Variants in WWC2 observed in about 807,000 individuals in gnomAD.
WWC2 encodes the protein WW and C2 domain containing 2, also known as protein WWC2.
A neutral mutation model predicts 138.5 loss-of-function variants in WWC2; 101 were observed. The observed-to-expected ratio is 0.73, with a 90% confidence interval of 0.62 to 0.86. The LOEUF (loss-of-function observed/expected upper bound fraction) is 0.86. Among genes scored for constraint, WWC2 ranks in the 40% least tolerant of loss-of-function variants. WWC2 has a pLI of 0.00. For missense variants in WWC2, 1,420 were observed against 1,419.4 expected, an observed-to-expected ratio of 1.00 and a Z score of -0.01; for synonymous variants, 558 against 538.4, an observed-to-expected ratio of 1.04 and a Z score of -0.50.
chr4:183,196,865 A>C (rs1261128264), intron 2 of WWC2, among the ~76,000 whole-genome samples: 1 of 152,158 alleles, frequency 6.6e-6, no homozygotes, highest in African/African-American at 2.4e-5. Flanking sequence ...TCCCCGTCCC[A>C]TTCTGGTCGA....
intron 6 of WWC2, among the ~76,000 whole-genome samples, chr4:183,248,488 A>AT (rs1736864992): frequency 6.6e-6 from 1 of 152,216 alleles, no homozygotes. Context: ...TTTGAGATAG[A>AT]TAAGACAACT....
intron 1 of WWC2, among the ~76,000 whole-genome samples, chr4:183,138,229 G>A (rs1432139424): frequency 6.6e-6 from 1 of 152,154 alleles, no homozygotes; most frequent in Non-Finnish European, 1.5e-5. Context: ...TTTCGGACAG[G>A]CTCTTTCTTT....
chr4:183,202,907 G>A (rs561646958), intron 2 of WWC2, among the ~76,000 whole-genome samples: 2 of 152,224 alleles, frequency 1.3e-5, no homozygotes, highest in South Asian at 2.1e-4. Flanking sequence ...GCTTACTAGC[G>A]TTAAAGGCTT....
chr4:183,272,634 C>T (rs1188495741), intron 16 of WWC2, among the ~76,000 whole-genome samples: 1 of 152,200 alleles, frequency 6.6e-6, no homozygotes, highest in Admixed American at 6.5e-5. Flanking sequence ...AACCACTAAT[C>T]TCTACTACAA....
At chr4:183,278,972 C>T (rs1030964509) in intron 16 of WWC2, among the ~76,000 whole-genome samples, 79 of 151,588 alleles carry the variant, frequency 5.2e-4, no homozygotes, top group African/African-American at 1.8e-3. Flanking sequence ...CCCTTTATTT[C>T]CTTCTCCTGC....
rs189283101 is a variant in WWC2 at position 183,309,436 on chromosome 4, A to G, written c.3385-2905A>G. ...AAATCGGCAAAAGACCTGAACAGAC[A>G]CCTAACCAAAGCAGATGACAAATAA... On this transcript the variant is annotated intron_variant, in intron 21 of 22. Transcript: ENST00000403733. Among the ~76,000 whole-genome samples the G allele has an allele frequency of 3.3e-5, 5 of 152,364 alleles. No homozygotes were observed. In the East Asian group the frequency reaches 9.6e-4, roughly 29 times the overall value.
At chr4:183,165,118 C>T (rs1456784752) in intron 1 of WWC2, among the ~76,000 whole-genome samples, 1 of 152,050 alleles carries the variant, frequency 6.6e-6, no homozygotes, top group African/African-American at 2.4e-5. Context: ...TGGGTAAATG[C>T]CCATGGGAAT....
chr4:183,241,500 T>C (rs73870387), intron 5 of WWC2, among the ~76,000 whole-genome samples: 11,622 of 152,258 alleles, frequency 0.076, 1,494 homozygotes, highest in African/African-American at 0.27. Context: ...TTTTCCTGCT[T>C]ACCGCATAGA....
At position 183,319,889 on chromosome 4, in the gene WWC2, A is replaced by G. The variant is rs565395129; in HGVS notation, c.*4160A>G. ...GCAGTCGCCTCTTGAGATCTCTCTG[A>G]CTCTCTCCAATTCTCAAACAGTCCA... On this transcript the variant is annotated 3_prime_UTR_variant, in exon 23 of 23. Coordinates refer to ENST00000403733, the MANE Select transcript of WWC2 (RefSeq NM_024949.6). The G allele has an allele frequency of 6.2e-7, 1 of 1,613,634 alleles. No homozygotes were observed. The highest frequency in any genetic ancestry group is 8.5e-7 in the Non-Finnish European group (1 of 1,179,806).
intron 2 of WWC2, chr4:183,203,513 T>G (rs904188526): frequency 6.6e-6 from 1 of 152,190 alleles, no homozygotes; most frequent in Non-Finnish European, 1.5e-5. Flanking sequence ...TCCTTTCATT[T>G]CCAGTGTGGC....
chr4:183,314,116 G>T (rs1739357113), intron 22 of WWC2, among the ~76,000 whole-genome samples: 1 of 152,072 alleles, frequency 6.6e-6, no homozygotes, highest in Non-Finnish European at 1.5e-5. Flanking sequence ...TGTGGCAGCA[G>T]CAGTGTGCCT....
chr4:183,268,577 T>C (rs985502385), intron 14 of WWC2, among the ~76,000 whole-genome samples: 1 of 152,218 alleles, frequency 6.6e-6, no homozygotes, highest in African/African-American at 2.4e-5. Flanking sequence ...TTCTGTGAGA[T>C]AAAGTCACCA....
chr4:183,212,849 T>G (rs1735645112), intron 4 of WWC2, among the ~76,000 whole-genome samples: 1 of 152,150 alleles, frequency 6.6e-6, no homozygotes, highest in Non-Finnish European at 1.5e-5. Context: ...AGATTAAGCT[T>G]CTTCTATGCC....
chr4:183,190,636 A>G (rs571474900), intron 1 of WWC2, among the ~76,000 whole-genome samples: 1 of 152,242 alleles, frequency 6.6e-6, no homozygotes, highest in South Asian at 2.1e-4. Flanking sequence ...TTATATTTGA[A>G]GGAACTCTGC....
At chr4:183,297,861 A>G (rs924536182) in intron 21 of WWC2, among the ~76,000 whole-genome samples, 1 of 152,270 alleles carries the variant, frequency 6.6e-6, no homozygotes, top group Non-Finnish European at 1.5e-5. Flanking sequence ...TCTCACAGTC[A>G]TAACTCAGAG....
chr4:183,273,221 A>G (rs1202909674), intron 16 of WWC2, among the ~76,000 whole-genome samples: 1 of 93,202 alleles, frequency 1.1e-5, no homozygotes, highest in African/African-American at 3.2e-5. Flanking sequence ...CTTATTGGCC[A>G]TTAGTATATC....
chr4:183,116,840 A>G (rs1315261495), intron 1 of WWC2, among the ~76,000 whole-genome samples: 1 of 152,228 alleles, frequency 6.6e-6, no homozygotes, highest in Non-Finnish European at 1.5e-5. Context: ...ATCATGCACA[A>G]TATTATTTAT....
intron 4 of WWC2, among the ~76,000 whole-genome samples, chr4:183,228,760 A>G (rs1031795892): frequency 4.6e-5 from 7 of 152,200 alleles, no homozygotes; most frequent in Admixed American, 2.6e-4. Context: ...GAACGTGTGC[A>G]TGCACACCTG....
chr4:183,193,699 C>A lies in WWC2; in HGVS notation c.232C>A (p.His78Asn), dbSNP rs778087229. Residue 78 changes from histidine (H) to asparagine (N), a missense_variant, in exon 2 of 23, where the codon CAC becomes AAC. Coordinates refer to ENST00000403733, the MANE Select transcript of WWC2 (RefSeq NM_024949.6). ...TCAGATTGGTGTCTACTACATCGAT[C>A]ACATCAACAGTAAGTTTTCCTTTTT... Reference protein sequence around the residue: ...DPQIGVYYIDHINKTTQIEDP... With the variant: ...DPQIGVYYIDNINKTTQIEDP... 2 of 1,612,888 alleles carry A rather than the reference C, an allele frequency of 1.2e-6. No homozygotes were observed. Among genetic ancestry groups the A allele is most frequent in the East Asian group, 2.2e-5 (1 of 44,878 alleles).
Sources: allele counts gnomAD v4.1 joint callset (sites outside exome capture counted in the v4.1 genomes callset), GRCh38; gene constraint gnomAD v4.1.1; transcripts MANE v1.5; gene names NCBI Gene and HGNC (gene_info 2026-07-23, HGNC 2026-07-21).